Variants in NT5E observed in about 807,000 individuals in gnomAD.
NT5E encodes 5'-nucleotidase.
In NT5E, 53 loss-of-function variants were observed where a neutral mutation model predicts 55.1. The observed-to-expected ratio is 0.96, with a 90% confidence interval of 0.77 to 1.21. The LOEUF is 1.21. NT5E is among the 50% of genes most tolerant of loss of function. NT5E has a pLI of 0.00. For missense variants in NT5E, 683 were observed against 724.3 expected, an observed-to-expected ratio of 0.94 and a Z score of 0.65; for synonymous variants, 270 against 278.4, an observed-to-expected ratio of 0.97 and a Z score of 0.30.
At chr6:85,484,725 A>G (rs1769614748) in intron 3 of NT5E, among the ~76,000 whole-genome samples, 1 of 152,158 alleles carries the variant, frequency 6.6e-6, no homozygotes, top group East Asian at 1.9e-4. Flanking sequence ...AAGGGAAAAA[A>G]TACACCCTTA....
intron 1 of NT5E, among the ~76,000 whole-genome samples, chr6:85,451,165 G>T (rs1485106867): frequency 1.3e-5 from 2 of 152,128 alleles, no homozygotes; most frequent in African/African-American, 4.8e-5. Flanking sequence ...CAGACACATA[G>T]TGTGGTGTCT....
intron 1 of NT5E, among the ~76,000 whole-genome samples, chr6:85,452,684 C>A (rs1223448196): frequency 6.6e-6 from 1 of 152,148 alleles, no homozygotes; most frequent in Non-Finnish European, 1.5e-5. Flanking sequence ...CATAAAATCC[C>A]AGTTCTGTAG....
At position 85,489,493 on chromosome 6, in the gene NT5E, G is replaced by A; in HGVS notation, c.1105-1G>A. 1 of 1,606,796 alleles carries A rather than the reference G, an allele frequency of 6.2e-7. No homozygotes were observed. Among genetic ancestry groups the A allele is most frequent in the Non-Finnish European group, 8.5e-7 (1 of 1,173,792 alleles). On this transcript the variant is annotated splice_acceptor_variant, in intron 5 of 8. Coordinates refer to ENST00000257770, the MANE Select transcript of NT5E (RefSeq NM_002526.4). LOFTEE classifies it high-confidence loss of function. ...AGTGTAAATCTGTGCTACTGTTGCA[G>A]ATTAACAACAACCTGAGACACACGG...
chr6:85,482,091 C>T (rs751452989), intron 3 of NT5E, among the ~76,000 whole-genome samples: 12 of 152,222 alleles, frequency 7.9e-5, no homozygotes, highest in Non-Finnish European at 1.0e-4. Flanking sequence ...AATTACCAAT[C>T]CTTTTTATCC....
At position 85,494,250 on chromosome 6, in the gene NT5E, C is replaced by A; in HGVS notation, c.*246C>A. ...AGCCAACTATGTTAAGTTTACGTGTCCAAATTTTAATGAAATTTTACTAAC... is the reference window on the plus strand; with the variant it reads ...AGCCAACTATGTTAAGTTTACGTGTACAAATTTTAATGAAATTTTACTAAC... On this transcript the variant is annotated 3_prime_UTR_variant, in exon 9 of 9. Coordinates refer to ENST00000257770, the MANE Select transcript of NT5E (RefSeq NM_002526.4). The A allele has an allele frequency of 2.1e-6, 1 of 479,020 alleles. No individual in the cohort carries two copies. Among genetic ancestry groups the A allele is most frequent in the South Asian group, 3.3e-5 (1 of 30,742 alleles). The allele number at this position is 479,020 out of a possible 1,614,324, so 29.7% of individuals were successfully genotyped here. A position where few individuals can be genotyped will look rare whatever the true frequency, so the allele number is the denominator to read the frequency against.
At chr6:85,453,223 G>A (rs1451803011) in intron 1 of NT5E, among the ~76,000 whole-genome samples, 1 of 152,234 alleles carries the variant, frequency 6.6e-6, no homozygotes, top group African/African-American at 2.4e-5. Context: ...AGCACTGACA[G>A]TATGCGCTTG....
At position 85,471,379 on chromosome 6, in the gene NT5E, TGTGGACGTC is replaced by T; in HGVS notation, c.710_718del (p.Asp237_Val239del). The T allele has an allele frequency of 6.2e-7, 1 of 1,612,880 alleles. No homozygotes were observed. The highest frequency in any genetic ancestry group is 8.5e-7 in the Non-Finnish European group (1 of 1,179,180). Reference sequence around the variant, plus strand: ...AACTCATCGCTCAGAAAGTGAGGGGTGTGGACGTCGTGGTGGGAGGACACTCCAACACAT... The same window carrying T: ...AACTCATCGCTCAGAAAGTGAGGGGTGTGGTGGGAGGACACTCCAACACAT... On this transcript the variant is annotated inframe_deletion, in exon 3 of 9. Coordinates refer to ENST00000257770, the MANE Select transcript of NT5E (RefSeq NM_002526.4).
Position 85,490,614 on chromosome 6 carries a change from G to A in NT5E, c.1317G>A (p.Val439=), listed in dbSNP as rs756707148. Residue 439 remains valine (V), a synonymous_variant, in exon 7 of 9, where the codon GTG becomes GTA. Transcript: ENST00000257770. ...TGAAGAAGGCCTTTGAGCATAGCGT[G>A]CACCGCTACGGCCAGTCCACTGGAG... The part of the protein sequence containing the change: ...STLKKAFEHS[V]HRYGQSTGEF... 6.2e-7 allele frequency: 1 copy of A among 1,614,190 alleles called. No homozygotes were observed. The highest frequency in any genetic ancestry group is 2.2e-5 in the East Asian group (1 of 44,884).
chr6:85,472,613 T>C (rs763666210), intron 3 of NT5E, among the ~76,000 whole-genome samples: 1 of 152,210 alleles, frequency 6.6e-6, no homozygotes, highest in Non-Finnish European at 1.5e-5. Context: ...TCCACGTTAC[T>C]GTGAAAATTA....
At chr6:85,484,265 C>G (rs1439209943) in intron 3 of NT5E, among the ~76,000 whole-genome samples, 1 of 152,212 alleles carries the variant, frequency 6.6e-6, no homozygotes, top group Non-Finnish European at 1.5e-5. Flanking sequence ...TAATTTGAAA[C>G]AGCTGAACTG....
At chr6:85,470,179 C>T (rs1769275648) in intron 2 of NT5E, among the ~76,000 whole-genome samples, 1 of 152,152 alleles carries the variant, frequency 6.6e-6, no homozygotes, top group Non-Finnish European at 1.5e-5. Flanking sequence ...CATCTTCATG[C>T]CAGTGATAGC....
intron 2 of NT5E, among the ~76,000 whole-genome samples, chr6:85,469,954 T>C (rs1288402290): frequency 2.0e-5 from 3 of 152,366 alleles, no homozygotes; most frequent in Non-Finnish European, 1.5e-5. Flanking sequence ...GCATTTCTAA[T>C]AATCTTGTTA....
intron 3 of NT5E, among the ~76,000 whole-genome samples, chr6:85,473,107 T>C (rs1262474821): frequency 2.0e-5 from 3 of 151,838 alleles, no homozygotes; most frequent in Non-Finnish European, 2.9e-5. Context: ...AATCAAAGAG[T>C]TTCAACAACT....
intron 1 of NT5E, among the ~76,000 whole-genome samples, chr6:85,454,536 G>T (rs576570492): frequency 6.6e-6 from 1 of 152,184 alleles, no homozygotes; most frequent in East Asian, 1.9e-4. Context: ...TATATTTTTT[G>T]ACTTTCAGGA....
chr6:85,488,212 TG>T (rs1460845189), intron 5 of NT5E, among the ~76,000 whole-genome samples: 1 of 152,186 alleles, frequency 6.6e-6, no homozygotes, highest in African/African-American at 2.4e-5. Context: ...GGTAGCTCTC[TG>T]GGGGCCTTAC....
Position 85,490,574 on chromosome 6 carries a change from T to C in NT5E, c.1277T>C (p.Leu426Ser). 6.2e-7 allele frequency: 1 copy of C among 1,614,186 alleles called. No homozygotes were observed. The highest frequency in any genetic ancestry group is 8.5e-7 in the Non-Finnish European group (1 of 1,180,012). Residue 426 changes from leucine (L) to serine (S), a missense_variant, in exon 7 of 9, where the codon TTA (leucine) becomes TCA (serine). Physicochemically the swap from Leu to Ser is moderately radical, Grantham distance 145 (BLOSUM62 -2). Coordinates refer to ENST00000257770, the MANE Select transcript of NT5E (RefSeq NM_002526.4). ...PFGGTFDLVQ[L>S]KGSTLKKAFE... ...GGAGGCACATTTGACCTAGTCCAGT[T>C]AAAAGGTTCCACCCTGAAGAAGGCC...
intron 1 of NT5E, among the ~76,000 whole-genome samples, chr6:85,461,916 G>A (rs781710832): frequency 6.6e-6 from 1 of 152,006 alleles, no homozygotes; most frequent in Non-Finnish European, 1.5e-5. Flanking sequence ...ATCCTGCCAG[G>A]CCAACCACCA....
chr6:85,481,770 T>G (rs1769556357), intron 3 of NT5E, among the ~76,000 whole-genome samples: 1 of 152,222 alleles, frequency 6.6e-6, no homozygotes, highest in African/African-American at 2.4e-5. Context: ...TTATAGGTTA[T>G]GATATTCATG....
chr6:85,472,139 T>C (rs893101262), intron 3 of NT5E, among the ~76,000 whole-genome samples: 2 of 152,236 alleles, frequency 1.3e-5, no homozygotes, highest in African/African-American at 4.8e-5. Context: ...CACCTTGCAC[T>C]GCATAGATCT....
Sources: gnomAD v4.1 joint callset for allele counts (sites outside exome capture counted in the v4.1 genomes callset) on GRCh38, gnomAD v4.1.1 for gene constraint, MANE v1.5 for transcripts, NCBI Gene and HGNC (gene_info 2026-07-23, HGNC 2026-07-21) for gene names.